Variants in MYO1B observed in about 807,000 individuals in gnomAD.
The protein encoded by MYO1B is myosin IB, also known as unconventional myosin-Ib.
Under a neutral mutation model 159.7 loss-of-function variants are expected in MYO1B, and 72 were observed. That is an observed-to-expected ratio of 0.45 (90% CI 0.37 to 0.55). The LOEUF (loss-of-function observed/expected upper bound fraction) is 0.55, where lower values mean the gene tolerates loss of function less well. Ranked by LOEUF, MYO1B falls within the 20% of genes least tolerant of loss-of-function variation. MYO1B has a pLI of 0.00. For synonymous variants in MYO1B, 468 were observed against 473.8 expected (o/e 0.99, Z 0.16); for missense variants, 1,062 against 1,364.8 (o/e 0.78, Z 3.50).
chr2:191,296,592 T>A (rs1688999088), intron 3 of MYO1B, among the ~76,000 whole-genome samples: 5 of 152,192 alleles, frequency 3.3e-5, no homozygotes, highest in Admixed American at 3.3e-4. Flanking sequence ...AGAAAAATCC[T>A]GAGTGTTGGG....
intron 27 of MYO1B, among the ~76,000 whole-genome samples, chr2:191,412,723 C>A (rs945261162): frequency 6.6e-6 from 1 of 152,206 alleles, no homozygotes; most frequent in South Asian, 2.1e-4. Flanking sequence ...CTTGAAGCAG[C>A]AGTTTTTCCT....
chr2:191,365,549 A>T (rs546398861), intron 11 of MYO1B, among the ~76,000 whole-genome samples: 1 of 152,288 alleles, frequency 6.6e-6, no homozygotes, highest in East Asian at 1.9e-4. Flanking sequence ...TTGCTGTCAT[A>T]TCTGTCCAAG....
At chr2:191,306,549 A>C (rs905002978) in intron 3 of MYO1B, among the ~76,000 whole-genome samples, 2 of 152,072 alleles carry the variant, frequency 1.3e-5, no homozygotes, top group African/African-American at 4.8e-5. Context: ...AAACTCAACG[A>C]GAGGTTTAGG....
chr2:191,300,845 G>A (rs751462855), intron 3 of MYO1B, among the ~76,000 whole-genome samples: 4 of 151,826 alleles, frequency 2.6e-5, no homozygotes, highest in Non-Finnish European at 4.4e-5. Context: ...TAATTCATAT[G>A]TTTTGAAGGT....
intron 21 of MYO1B, among the ~76,000 whole-genome samples, chr2:191,399,454 G>A (rs1448920819): frequency 2.0e-5 from 3 of 152,232 alleles, no homozygotes; most frequent in South Asian, 2.1e-4. Context: ...GTAGAGTCAA[G>A]TAGTAGCGAT....
intron 7 of MYO1B, among the ~76,000 whole-genome samples, chr2:191,353,670 G>A (rs756455921): frequency 6.6e-6 from 1 of 152,150 alleles, no homozygotes; most frequent in Non-Finnish European, 1.5e-5. Context: ...TTATCATGTG[G>A]TTTCCAGTGT....
intron 2 of MYO1B, among the ~76,000 whole-genome samples, chr2:191,277,914 TTC>T (rs576862339): frequency 2.0e-3 from 311 of 152,334 alleles, no homozygotes; most frequent in African/African-American, 7.4e-3. Flanking sequence ...CTTAATATTT[TTC>T]TGTTTATCAT....
intron 13 of MYO1B, chr2:191,381,129 A>T (rs4853589): frequency 0.88 from 306,241 of 349,958 alleles, 141,998 homozygotes; most frequent in Non-Finnish European, 0.98. Context: ...GGTGACAGAG[A>T]TTGTGGAGCT....
chr2:191,413,153 ATAAAT>A lies in MYO1B; in HGVS notation c.2874-893_2874-889del, dbSNP rs1420902400. Among the ~76,000 whole-genome samples, 7 of 152,352 alleles carry A rather than the reference ATAAAT, an allele frequency of 4.6e-5. No homozygotes were observed. In the East Asian group the frequency reaches 1.2e-3, roughly 25 times the overall value. On this transcript the variant is annotated intron_variant, in intron 27 of 30. Coordinates refer to ENST00000392318, the MANE Select transcript of MYO1B (RefSeq NM_001130158.3). ...GACAGATGCAAGCGTAATGTATAAA[ATAAAT>A]TGAAGTCAATTTTTATGAAGTTGTC...
chr2:191,327,601 A>G (rs1225345933), intron 3 of MYO1B, among the ~76,000 whole-genome samples: 1 of 152,162 alleles, frequency 6.6e-6, no homozygotes, highest in Non-Finnish European at 1.5e-5. Flanking sequence ...CTCTGTGTTC[A>G]TTGTTTTCCA....
In MYO1B at chr2:191,364,254, C is replaced by T. The variant is rs1693855206; in HGVS notation, c.1010C>T (p.Ser337Leu). ...GTTGAGGCCAAACAGGAGAAAGTTT[C>T]AACTACACTGAATGTGGCTCAGGTG... Reference protein sequence around the residue: ...RTVEAKQEKVSTTLNVAQAYY... With the variant: ...RTVEAKQEKVLTTLNVAQAYY... The change falls in exon 11 of 31, where the codon TCA becomes TTA. Residue 337 changes from serine to leucine, a missense_variant. Ser to Leu is a moderately radical substitution (Grantham distance 145). This residue lies in a region of MYO1B where 415 missense variants were observed against 544.0 expected (regional missense o/e 0.76). Transcript: ENST00000392318. 4 of 1,613,544 alleles carry T rather than the reference C, an allele frequency of 2.5e-6. No individual in the cohort carries two copies. The highest frequency in any genetic ancestry group is 2.5e-6 in the Non-Finnish European group (3 of 1,179,542).
At chr2:191,345,325 C>T (rs149953274) in intron 5 of MYO1B, among the ~76,000 whole-genome samples, 39 of 152,276 alleles carry the variant, frequency 2.6e-4, no homozygotes, top group Non-Finnish European at 5.1e-4. Context: ...GAGTGTCAAA[C>T]AGGGATCGCC....
At chr2:191,416,867 G>A (rs146801607) in intron 30 of MYO1B, among the ~76,000 whole-genome samples, 1 of 151,788 alleles carries the variant, frequency 6.6e-6, no homozygotes, top group African/African-American at 2.4e-5. Context: ...ATCTGAGACT[G>A]GTATAAATTT....
chr2:191,408,095 C>A lies in MYO1B; in HGVS notation c.2557-20C>A, dbSNP rs935291666. 6.3e-7 allele frequency: 1 copy of A among 1,576,930 alleles called. No individual in the cohort carries two copies. The highest frequency in any genetic ancestry group is 8.7e-7 in the Non-Finnish European group (1 of 1,147,116). ...ACCAGCCACACATTAACCACTGTAACCTACATCTTCTTTTTAAAGGTACGT... is the reference window on the plus strand; with the variant it reads ...ACCAGCCACACATTAACCACTGTAAACTACATCTTCTTTTTAAAGGTACGT... On this transcript the variant is annotated intron_variant, in intron 24 of 30. Transcript: ENST00000392318.
At chr2:191,361,457 A>G (rs990346508) in intron 8 of MYO1B, among the ~76,000 whole-genome samples, 6 of 152,126 alleles carry the variant, frequency 3.9e-5, no homozygotes, top group African/African-American at 1.4e-4. Flanking sequence ...CTAATGATGA[A>G]AAGTAGTGAA....
rs548273733 is a variant in MYO1B, at chr2:191,424,993, T to C, written c.*1033T>C. On this transcript the variant is annotated 3_prime_UTR_variant, in exon 31 of 31. Transcript: ENST00000392318. ...ACAGGGTGCCTATTTTAGTCATGGA[T>C]CAAAATTTGTGTAACTTGCAGGGCT... The C allele has an allele frequency of 2.0e-5, 3 of 152,716 alleles. No individual in the cohort carries two copies. In the East Asian group the frequency reaches 5.8e-4, roughly 29 times the overall value. The allele number at this position is 152,716 out of a possible 1,614,324, so 9.5% of individuals were successfully genotyped here. A position where few individuals can be genotyped will look rare whatever the true frequency, so the allele number is the denominator to read the frequency against.
chr2:191,313,232 C>G (rs567840655), intron 3 of MYO1B, among the ~76,000 whole-genome samples: 200 of 44,658 alleles, frequency 4.5e-3, no homozygotes, highest in African/African-American at 0.016. Context: ...TTTTTTGAGA[C>G]GGAGTTTCAC....
intron 2 of MYO1B, among the ~76,000 whole-genome samples, chr2:191,290,143 G>A (rs1482568156): frequency 6.6e-6 from 1 of 152,184 alleles, no homozygotes; most frequent in Non-Finnish European, 1.5e-5. Flanking sequence ...AGTCAGGGCC[G>A]GCTAAGCCAT....
intron 3 of MYO1B, among the ~76,000 whole-genome samples, chr2:191,315,423 C>T (rs1459681186): frequency 2.0e-5 from 3 of 152,076 alleles, no homozygotes; most frequent in African/African-American, 4.8e-5. Flanking sequence ...ATTTTATAGT[C>T]AATGTAATAA....
Sources: allele counts gnomAD v4.1 joint callset (sites outside exome capture counted in the v4.1 genomes callset), GRCh38; gene constraint gnomAD v4.1.1; regional missense constraint gnomAD v4.1.1; transcripts MANE v1.5; gene names NCBI Gene and HGNC (gene_info 2026-07-23, HGNC 2026-07-21).